The following TMEM132D variants were observed in gnomAD, a reference collection of about 807,000 sequenced individuals.
The protein encoded by TMEM132D is transmembrane protein 132D, also known as mature OL transmembrane protein.
Under a neutral mutation model 62.3 loss-of-function variants are expected in TMEM132D, and 21 were observed. The ratio of observed to expected loss-of-function variants is 0.34; its 90% CI spans 0.24 to 0.49. The LOEUF is 0.49. TMEM132D is among the 20% of genes least tolerant of loss of function. The pLI, the probability that TMEM132D is intolerant of heterozygous loss-of-function variation, is 0.99. For missense variants in TMEM132D, 1,346 were observed against 1,402.8 expected (o/e 0.96, Z 0.65); for synonymous variants, 621 against 575.6 (o/e 1.08, Z -1.13).
At chr12:129,664,879 C>A (rs1436055599) in intron 2 of TMEM132D, among the ~76,000 whole-genome samples, 1 of 152,152 alleles carries the variant, frequency 6.6e-6, no homozygotes, top group Non-Finnish European at 1.5e-5. Flanking sequence ...TGACAACTAA[C>A]CCTTACTGAA....
chr12:129,470,220 C>G (rs150338961), intron 3 of TMEM132D, among the ~76,000 whole-genome samples: 1 of 152,124 alleles, frequency 6.6e-6, no homozygotes, highest in East Asian at 1.9e-4. Flanking sequence ...ATAAGATGAG[C>G]GCATTTGGAT....
chr12:129,582,548 T>C (rs1391046081), intron 2 of TMEM132D, among the ~76,000 whole-genome samples: 2 of 152,200 alleles, frequency 1.3e-5, no homozygotes, highest in Non-Finnish European at 2.9e-5. Flanking sequence ...ATTAGCTTAG[T>C]ACTTCCTAGT....
At chr12:129,206,570 A>G (rs536976476) in intron 5 of TMEM132D, among the ~76,000 whole-genome samples, 1 of 152,342 alleles carries the variant, frequency 6.6e-6, no homozygotes, top group South Asian at 2.1e-4. Context: ...TAAAAACAGA[A>G]CTACCATTCA....
At chr12:129,296,852 C>A (rs1593327464) in intron 4 of TMEM132D, among the ~76,000 whole-genome samples, 1 of 152,300 alleles carries the variant, frequency 6.6e-6, no homozygotes, top group South Asian at 2.1e-4. Context: ...CACTACCAAG[C>A]TCATTAGTAT....
At chr12:129,532,185 C>T (rs10847895) in intron 2 of TMEM132D, among the ~76,000 whole-genome samples, 34,899 of 152,128 alleles carry the variant, frequency 0.23, 4,211 homozygotes, top group East Asian at 0.41. Flanking sequence ...AGTCCCTCAG[C>T]GGAAAATAGG....
chr12:129,751,573 C>T (rs1339269911), intron 1 of TMEM132D, among the ~76,000 whole-genome samples: 1 of 152,146 alleles, frequency 6.6e-6, no homozygotes, highest in Non-Finnish European at 1.5e-5. Flanking sequence ...GACTCAGGAC[C>T]CTGCCCTTAA....
chr12:129,792,010 G>A (rs1011254926), intron 1 of TMEM132D, among the ~76,000 whole-genome samples: 2 of 152,184 alleles, frequency 1.3e-5, no homozygotes, highest in Non-Finnish European at 2.9e-5. Context: ...CAAGGGTGAC[G>A]TTGTGAGGGG....
At chr12:129,437,930 C>CTCCATGTG (rs1872832852) in intron 3 of TMEM132D, among the ~76,000 whole-genome samples, 1 of 148,292 alleles carries the variant, frequency 6.7e-6, no homozygotes, top group Non-Finnish European at 1.5e-5. Flanking sequence ...TGATGTTCCC[C>CTCCATGTG]TCCATGTGTC....
At chr12:129,639,746 C>T (rs566813185) in intron 2 of TMEM132D, among the ~76,000 whole-genome samples, 1 of 152,312 alleles carries the variant, frequency 6.6e-6, no homozygotes, top group Admixed American at 6.5e-5. Context: ...ATGTAGTTTA[C>T]ATGGCTCTAT....
chr12:129,876,643 G>A (rs1465765683), intron 1 of TMEM132D, among the ~76,000 whole-genome samples: 2 of 152,164 alleles, frequency 1.3e-5, no homozygotes, highest in East Asian at 1.9e-4. Context: ...CCTCAACAAC[G>A]ATATCATGTT....
intron 2 of TMEM132D, among the ~76,000 whole-genome samples, chr12:129,593,418 G>T (rs1430580736): frequency 6.6e-6 from 1 of 152,182 alleles, no homozygotes; most frequent in Non-Finnish European, 1.5e-5. Context: ...AGTAAAACTG[G>T]TCACACATTG....
At chr12:129,789,945 G>C (rs1871354067) in intron 1 of TMEM132D, among the ~76,000 whole-genome samples, 1 of 152,092 alleles carries the variant, frequency 6.6e-6, no homozygotes, top group Non-Finnish European at 1.5e-5. Flanking sequence ...ATTATTTTTT[G>C]CACTATTTAT....
chr12:129,567,600 G>C (rs1877402898), intron 2 of TMEM132D, among the ~76,000 whole-genome samples: 1 of 152,082 alleles, frequency 6.6e-6, no homozygotes, highest in African/African-American at 2.4e-5. Context: ...GCTGGTATCT[G>C]CTAAGTCAGA....
chr12:129,696,472 C>G (rs1035304009), intron 2 of TMEM132D, among the ~76,000 whole-genome samples: 2 of 152,234 alleles, frequency 1.3e-5, no homozygotes, highest in Non-Finnish European at 2.9e-5. Flanking sequence ...TGAGCTTGTT[C>G]CACTGTTCTA....
intron 1 of TMEM132D, among the ~76,000 whole-genome samples, chr12:129,733,957 C>T (rs754860310): frequency 3.9e-5 from 6 of 152,258 alleles, no homozygotes; most frequent in Admixed American, 2.0e-4. Context: ...ATCTTCCTTC[C>T]GTTGCAAGGT....
intron 1 of TMEM132D, among the ~76,000 whole-genome samples, chr12:129,810,299 T>C (rs1348569452): frequency 6.6e-6 from 1 of 152,086 alleles, no homozygotes; most frequent in Admixed American, 6.6e-5. Context: ...GTCCATATAT[T>C]TTTTTTAAAA....
intron 1 of TMEM132D, among the ~76,000 whole-genome samples, chr12:129,854,371 G>A (rs969196315): frequency 1.3e-5 from 2 of 152,206 alleles, no homozygotes; most frequent in African/African-American, 4.8e-5. Flanking sequence ...GGCCAAGGAA[G>A]TCAGAGGAGC....
chr12:129,763,036 T>C (rs1870435694), intron 1 of TMEM132D, among the ~76,000 whole-genome samples: 1 of 152,202 alleles, frequency 6.6e-6, no homozygotes. Context: ...GCCTCCTAGT[T>C]CTTAAATCAG....
chr12:129,853,618 C>T (rs1022061621), intron 1 of TMEM132D: 3 of 152,180 alleles, frequency 2.0e-5, no homozygotes, highest in African/African-American at 7.2e-5. Context: ...TCCCATGACA[C>T]TTGGCACATG....
Sources: gnomAD v4.1 joint callset for allele counts (sites outside exome capture counted in the v4.1 genomes callset) on GRCh38, gnomAD v4.1.1 for gene constraint, MANE v1.5 for transcripts, NCBI Gene and HGNC (gene_info 2026-07-23, HGNC 2026-07-21) for gene names.